Variants in GMDS observed in about 807,000 individuals in gnomAD.
The protein encoded by GMDS is GDP-mannose 4,6 dehydratase.
A neutral mutation model predicts 49.9 loss-of-function variants in GMDS; 20 were observed. The ratio of observed to expected loss-of-function variants is 0.40; its 90% CI spans 0.28 to 0.58. GMDS has a LOEUF of 0.58. Ranked by LOEUF, GMDS falls within the 20% of genes least tolerant of loss-of-function variation. GMDS has a pLI of 0.42. For missense variants in GMDS, 362 were observed against 481.4 expected (o/e 0.75, Z 2.32); for synonymous variants, 177 against 178.6 (o/e 0.99, Z 0.07).
At chr6:2,194,843 G>A (rs1393238887) in intron 1 of GMDS, among the ~76,000 whole-genome samples, 1 of 152,132 alleles carries the variant, frequency 6.6e-6, no homozygotes, top group Non-Finnish European at 1.5e-5. Context: ...GCATAAAACA[G>A]GACAATTAGT....
chr6:1,641,590 C>T (rs1027508299), intron 9 of GMDS, among the ~76,000 whole-genome samples: 7 of 152,172 alleles, frequency 4.6e-5, no homozygotes. Context: ...ATGGAGCAGG[C>T]ACAGAAGGTC....
chr6:1,818,848 C>T (rs1479764626), intron 7 of GMDS, among the ~76,000 whole-genome samples: 1 of 152,084 alleles, frequency 6.6e-6, no homozygotes, highest in Non-Finnish European at 1.5e-5. Context: ...CACTATTTAT[C>T]ACTTATGTGG....
chr6:2,129,817 C>A (rs925377969), intron 1 of GMDS, among the ~76,000 whole-genome samples: 5 of 152,144 alleles, frequency 3.3e-5, no homozygotes, highest in South Asian at 2.1e-4. Flanking sequence ...GTGAAGAATA[C>A]GGAGACAGAA....
At chr6:2,212,707 TAAAAAA>T (rs35503764) in intron 1 of GMDS, among the ~76,000 whole-genome samples, 1 of 113,582 alleles carries the variant, frequency 8.8e-6, no homozygotes, top group African/African-American at 3.1e-5. Flanking sequence ...GATTAACTTG[TAAAAAA>T]AAAAAAAAAA....
chr6:1,875,049 A>C (rs1270631900), intron 7 of GMDS, among the ~76,000 whole-genome samples: 1 of 152,184 alleles, frequency 6.6e-6, no homozygotes, highest in Non-Finnish European at 1.5e-5. Flanking sequence ...GTTGGCTTAG[A>C]ATATTTTTTT....
chr6:1,732,260 G>T (rs1024074281), intron 8 of GMDS, among the ~76,000 whole-genome samples: 1 of 152,196 alleles, frequency 6.6e-6, no homozygotes, highest in East Asian at 1.9e-4. Flanking sequence ...CCAGGAGGCG[G>T]AGGTTGCAGT....
intron 4 of GMDS, among the ~76,000 whole-genome samples, chr6:2,017,599 G>T (rs200195233): frequency 6.6e-6 from 1 of 152,032 alleles, no homozygotes; most frequent in African/African-American, 2.4e-5. Flanking sequence ...GTGAGCTACC[G>T]TGTCCAGCCC....
chr6:1,959,801 T>C (rs955160564), intron 6 of GMDS, 66 bp downstream of exon 6: 63 of 915,212 alleles, frequency 6.9e-5, no homozygotes, highest in Admixed American at 1.3e-4. Flanking sequence ...ATACACCAAA[T>C]AGACATGCAA....
chr6:1,729,368 AC>A (rs1334909424), intron 8 of GMDS, among the ~76,000 whole-genome samples: 1 of 147,108 alleles, frequency 6.8e-6, no homozygotes, highest in Non-Finnish European at 1.5e-5. Flanking sequence ...TGTCTGCTGA[AC>A]TTGCATCTTG....
intron 4 of GMDS, among the ~76,000 whole-genome samples, chr6:2,082,387 A>G (rs1772765851): frequency 6.6e-6 from 1 of 152,216 alleles, no homozygotes; most frequent in South Asian, 2.1e-4. Flanking sequence ...GAAGAGTGTC[A>G]CTGCTGCTGG....
chr6:1,645,153 C>A (rs1763448539), intron 9 of GMDS, among the ~76,000 whole-genome samples: 1 of 152,050 alleles, frequency 6.6e-6, no homozygotes, highest in African/African-American at 2.4e-5. Context: ...TCAGGCTGGT[C>A]TCGAACTCCT....
At chr6:1,702,400 C>A (rs1308661624) in intron 9 of GMDS, among the ~76,000 whole-genome samples, 4 of 152,356 alleles carry the variant, frequency 2.6e-5, no homozygotes, top group Admixed American at 6.5e-5. Context: ...TAAAAATATT[C>A]TTTGCCCATT....
At chr6:2,026,613 T>C (rs958997641) in intron 4 of GMDS, among the ~76,000 whole-genome samples, 2 of 152,156 alleles carry the variant, frequency 1.3e-5, no homozygotes, top group East Asian at 3.8e-4. Context: ...ATCAGAAAAA[T>C]TGTTTTAATT....
intron 7 of GMDS, among the ~76,000 whole-genome samples, chr6:1,928,622 A>G (rs1314133708): frequency 6.6e-6 from 1 of 152,208 alleles, no homozygotes; most frequent in Non-Finnish European, 1.5e-5. Flanking sequence ...AAATAAATCT[A>G]AGGATTAATG....
intron 4 of GMDS, among the ~76,000 whole-genome samples, chr6:2,011,766 T>G (rs532745769): frequency 2.0e-5 from 3 of 152,190 alleles, no homozygotes; most frequent in Admixed American, 6.5e-5. Context: ...AAATTAAAAA[T>G]TAAAAATTAG....
intron 8 of GMDS, among the ~76,000 whole-genome samples, chr6:1,730,461 G>A (rs1296934846): frequency 6.6e-6 from 1 of 152,152 alleles, no homozygotes; most frequent in African/African-American, 2.4e-5. Flanking sequence ...CAGGAAGTGA[G>A]ACCTGATTGC....
chr6:1,988,186 T>G (rs749555309), intron 4 of GMDS, among the ~76,000 whole-genome samples: 9 of 152,194 alleles, frequency 5.9e-5, no homozygotes, highest in Non-Finnish European at 1.0e-4. Flanking sequence ...TCACTTTTTC[T>G]AAAAACAAGG....
At chr6:2,091,208 G>A (rs942593052) in intron 4 of GMDS, among the ~76,000 whole-genome samples, 1 of 152,166 alleles carries the variant, frequency 6.6e-6, no homozygotes, top group African/African-American at 2.4e-5. Context: ...CATATCAAAA[G>A]GAGATCCAAA....
In GMDS at chr6:2,191,185, G is replaced by A. The variant is rs989862452; in HGVS notation, c.102+54136C>T. ...CCCACAGCCATGTCCCCAGGGGTCC[G>A]CCCCGCATGGGGTGACCACCGGGCC... On this transcript the variant is annotated intron_variant, in intron 1 of 10. Coordinates refer to ENST00000380815, the MANE Select transcript of GMDS (RefSeq NM_001500.4). This position sits in a 1 kb window ranked among gnomAD's most constrained non-coding sequence, Gnocchi z 4.6. Among the ~76,000 whole-genome samples, 4 of 151,998 alleles carry A rather than the reference G, an allele frequency of 2.6e-5. No individual in the cohort carries two copies. Among genetic ancestry groups the A allele is most frequent in the African/African-American group, 7.2e-5 (3 of 41,382 alleles).
Sources: allele counts gnomAD v4.1 joint callset (sites outside exome capture counted in the v4.1 genomes callset), GRCh38; gene constraint gnomAD v4.1.1; non-coding constraint Gnocchi (gnomAD v3.1); transcripts MANE v1.5; gene names NCBI Gene and HGNC (gene_info 2026-07-23, HGNC 2026-07-21).